ARID1B: variants seen among roughly 807,000 people sequenced by gnomAD.
ARID1B encodes the protein AT-rich interaction domain 1B, also known as AT-rich interactive domain-containing protein 1B.
In ARID1B, 30 loss-of-function variants were observed where a neutral mutation model predicts 212.3. The ratio of observed to expected loss-of-function variants is 0.14; its 90% CI spans 0.11 to 0.19. ARID1B has a LOEUF of 0.19. ARID1B is among the 10% of genes least tolerant of loss of function. The pLI, the probability that ARID1B is intolerant of heterozygous loss-of-function variation, is 1.00. For missense variants in ARID1B, 2,891 were observed against 3,204.0 expected (o/e 0.90, Z 2.36); for synonymous variants, 1,402 against 1,301.7 (o/e 1.08, Z -1.66).
chr6:156,806,788 G>A (rs1781191631), intron 1 of ARID1B, among the ~76,000 whole-genome samples: 1 of 152,150 alleles, frequency 6.6e-6, no homozygotes, highest in Non-Finnish European at 1.5e-5. Context: ...TCCTACGAAG[G>A]GCCACATAGT....
chr6:156,892,195 CT>C (rs1787999910), intron 2 of ARID1B, among the ~76,000 whole-genome samples: 1 of 151,976 alleles, frequency 6.6e-6, no homozygotes, highest in African/African-American at 2.4e-5. Flanking sequence ...CGGCCTCATA[CT>C]TTTTCTTAAG....
chr6:156,814,946 T>C (rs1287027887), intron 1 of ARID1B, among the ~76,000 whole-genome samples: 1 of 152,218 alleles, frequency 6.6e-6, no homozygotes, highest in Non-Finnish European at 1.5e-5. Context: ...GACCCATCAA[T>C]TATCAATAGA....
intron 4 of ARID1B, among the ~76,000 whole-genome samples, chr6:157,007,734 T>C (rs548146001): frequency 7.1e-6 from 1 of 141,544 alleles, no homozygotes; most frequent in African/African-American, 2.5e-5. Context: ...TTGTTTTTTT[T>C]TTTTTTTTTC....
intron 4 of ARID1B, among the ~76,000 whole-genome samples, chr6:157,013,872 G>A (rs1222180249): frequency 6.6e-6 from 1 of 152,230 alleles, no homozygotes; most frequent in African/African-American, 2.4e-5. Flanking sequence ...ACACAGGCTA[G>A]CACTGTGGGA....
At chr6:157,076,566 T>TTTTTTG (rs1196198512) in intron 4 of ARID1B, among the ~76,000 whole-genome samples, 4 of 151,432 alleles carry the variant, frequency 2.6e-5, no homozygotes, top group Non-Finnish European at 5.9e-5. Context: ...GTGTTATTTT[T>TTTTTTG]AGAGATTCTG....
At chr6:156,960,503 G>A (rs1794299739) in intron 4 of ARID1B, among the ~76,000 whole-genome samples, 1 of 152,026 alleles carries the variant, frequency 6.6e-6, no homozygotes, top group South Asian at 2.1e-4. Flanking sequence ...ACAAAGTATT[G>A]GCCTTAAAAG....
chr6:156,880,775 G>GAAAAGAAAA (rs755985152), intron 2 of ARID1B, among the ~76,000 whole-genome samples: 11 of 114,390 alleles, frequency 9.6e-5, no homozygotes, highest in East Asian at 6.8e-4. Flanking sequence ...GAAAAGAAAA[G>GAAAAGAAAA]AAAAACACAC....
At chr6:157,186,087 G>C (rs1025601683) in intron 13 of ARID1B, 6 of 188,368 alleles carry the variant, frequency 3.2e-5, no homozygotes, top group African/African-American at 1.4e-4. Context: ...AAGATCTAAG[G>C]GTACATTTTA....
intron 1 of ARID1B, among the ~76,000 whole-genome samples, chr6:156,818,132 A>G (rs1342481058): frequency 8.7e-6 from 1 of 114,484 alleles, no homozygotes; most frequent in African/African-American, 3.5e-5. Context: ...TTTAGAATAT[A>G]AGATTTGACC....
chr6:156,843,195 A>G (rs1784014687), intron 2 of ARID1B, among the ~76,000 whole-genome samples: 1 of 152,222 alleles, frequency 6.6e-6, no homozygotes, highest in Non-Finnish European at 1.5e-5. Context: ...GTTAGAATGT[A>G]ACCATTATTG....
intron 4 of ARID1B, among the ~76,000 whole-genome samples, chr6:157,028,053 C>CTG (rs1353957116): frequency 5.5e-4 from 84 of 152,112 alleles, no homozygotes; most frequent in African/African-American, 1.9e-3. Flanking sequence ...GCTTCATAAA[C>CTG]TGTGTGTGTA....
intron 4 of ARID1B, among the ~76,000 whole-genome samples, chr6:157,026,735 C>T (rs769114169): frequency 9.2e-5 from 14 of 152,100 alleles, no homozygotes; most frequent in South Asian, 2.1e-4. Flanking sequence ...CAGTTGGTCT[C>T]GAAATCCTGA....
intron 4 of ARID1B, chr6:157,024,243 C>T (rs1780511315): frequency 6.6e-6 from 1 of 152,224 alleles, no homozygotes; most frequent in Admixed American, 6.5e-5. Flanking sequence ...TCATCCCAAA[C>T]GCTGACCAAG....
chr6:156,962,172 G>T (rs945727418), intron 4 of ARID1B, among the ~76,000 whole-genome samples: 1 of 151,956 alleles, frequency 6.6e-6, no homozygotes, highest in African/African-American at 2.4e-5. Context: ...GGTGGCGGGC[G>T]CCTGCAGTCC....
chr6:156,801,113 T>A (rs140974395), intron 1 of ARID1B, among the ~76,000 whole-genome samples: 3 of 152,200 alleles, frequency 2.0e-5, no homozygotes, highest in African/African-American at 7.2e-5. Context: ...AACCTACTAG[T>A]ACTGTGCCTG....
intron 2 of ARID1B, among the ~76,000 whole-genome samples, chr6:156,883,865 G>GT (rs967214088): frequency 1.8e-4 from 28 of 152,334 alleles, no homozygotes; most frequent in African/African-American, 6.7e-4. Context: ...CAGACCAGCA[G>GT]TAAGTTCTCT....
intron 4 of ARID1B, chr6:157,071,133 A>C (rs73584005): frequency 3.9e-5 from 6 of 152,154 alleles, no homozygotes; most frequent in African/African-American, 1.4e-4. Flanking sequence ...TTTATTCTCA[A>C]AGCCAAAATT....
Position 157,209,261 on chromosome 6 carries a change from C to A in ARID1B, c.*1370C>A, listed in dbSNP as rs1218319159. 4.3e-6 allele frequency: 1 copy of A among 231,452 alleles called. No homozygotes were observed. The highest frequency in any genetic ancestry group is 8.6e-6 in the Non-Finnish European group (1 of 116,958). 14.3% of individuals were successfully genotyped at this position (231,452 alleles called of 1,614,324 possible). A position where few individuals can be genotyped will look rare whatever the true frequency, so the allele number is the denominator to read the frequency against. ...TAAATGTACATTAAATCTTGTTAAG[C>A]ACTGTGATGGGTGTTCTTGAATACT... is the stretch of plus-strand genomic sequence containing the variant. On this transcript the variant is annotated 3_prime_UTR_variant, in exon 20 of 20. Transcript: ENST00000636930.
At chr6:156,870,931 C>T (rs553914381) in intron 2 of ARID1B, among the ~76,000 whole-genome samples, 24 of 152,318 alleles carry the variant, frequency 1.6e-4, no homozygotes, top group East Asian at 1.5e-3. Flanking sequence ...TAACATCTAA[C>T]AAACCATGTT....
Sources: gnomAD v4.1 joint callset for allele counts (sites outside exome capture counted in the v4.1 genomes callset) on GRCh38, gnomAD v4.1.1 for gene constraint, MANE v1.5 for transcripts, NCBI Gene and HGNC (gene_info 2026-07-23, HGNC 2026-07-21) for gene names.